The following ARRB1 variants were observed in gnomAD, a reference collection of about 807,000 sequenced individuals.
ARRB1 encodes the protein beta-arrestin-1.
ARRB1 carries 21 observed loss-of-function variants against 56.8 expected under a neutral mutation model. The ratio of observed to expected loss-of-function variants is 0.37; its 90% confidence interval spans 0.26 to 0.53. ARRB1 has a LOEUF of 0.53. Ranked by LOEUF, ARRB1 falls within the 20% of genes least tolerant of loss-of-function variation. The probability of loss-of-function intolerance (pLI) is 0.88; values close to 1 mark genes in which losing one functional copy is unlikely to be tolerated. For synonymous variants in ARRB1, 210 were observed against 218.6 expected (o/e 0.96, Z 0.35); for missense variants, 424 against 553.7 (o/e 0.77, Z 2.35).
At chr11:75,332,765 C>A (rs530508732) in intron 1 of ARRB1, among the ~76,000 whole-genome samples, 1 of 152,028 alleles carries the variant, frequency 6.6e-6, no homozygotes, top group African/African-American at 2.4e-5. Context: ...TGTGGTCAGG[C>A]GCACCTGTAG....
intron 1 of ARRB1, among the ~76,000 whole-genome samples, chr11:75,302,795 C>G (rs1032124024): frequency 6.6e-6 from 1 of 152,120 alleles, no homozygotes; most frequent in African/African-American, 2.4e-5. Context: ...TTGTCATCAT[C>G]ATTATCCTGG....
At chr11:75,299,886 C>G (rs1201082564) in intron 1 of ARRB1, among the ~76,000 whole-genome samples, 1 of 151,886 alleles carries the variant, frequency 6.6e-6, no homozygotes, top group African/African-American at 2.4e-5. Flanking sequence ...GAGAATTATT[C>G]AAGTATGAGG....
chr11:75,345,365 A>T (rs1324904205), intron 1 of ARRB1, among the ~76,000 whole-genome samples: 1 of 152,020 alleles, frequency 6.6e-6, no homozygotes, highest in African/African-American at 2.4e-5. Flanking sequence ...TCTCAAAAGC[A>T]GCCACCCTGT....
chr11:75,289,673 G>A (rs562064343), intron 2 of ARRB1, among the ~76,000 whole-genome samples: 19 of 152,290 alleles, frequency 1.2e-4, no homozygotes, highest in Non-Finnish European at 2.8e-4. Flanking sequence ...TCACAGCAGG[G>A]GACTCACTCC....
At chr11:75,284,006 C>T (rs1434231008) in intron 4 of ARRB1, among the ~76,000 whole-genome samples, 2 of 152,182 alleles carry the variant, frequency 1.3e-5, no homozygotes, top group Non-Finnish European at 2.9e-5. Flanking sequence ...CCAGCCTTGC[C>T]ACAGTCATGA....
intron 5 of ARRB1, 43 bp downstream of exon 5, chr11:75,283,244 G>T: frequency 6.4e-7 from 1 of 1,556,208 alleles, no homozygotes. Flanking sequence ...CTTCCTAGAG[G>T]TGGCATTTCT....
Position 75,284,241 on chromosome 11 carries a change from G to C in ARRB1, c.151C>G (p.Arg51Gly), listed in dbSNP as rs76716725. 1 of 1,609,032 alleles carries C rather than the reference G, an allele frequency of 6.2e-7. No individual in the cohort carries two copies. Among genetic ancestry groups the C allele is most frequent in the Non-Finnish European group, 8.5e-7 (1 of 1,176,642 alleles). ...GATGGGGGCCACAGCCTACCTCTCC[G>C]CTCTTTGAGATACTCAGGATCCACC... Reference protein sequence around the residue: ...VLVDPEYLKERRVYVTLTCAF... With the variant: ...VLVDPEYLKEGRVYVTLTCAF... Residue 51 changes from arginine (R) to glycine (G), a missense_variant, in exon 4 of 16, where the codon CGG becomes GGG. By Grantham distance (125) the Arg-to-Gly change is moderately radical. Around this residue, in one of 3 missense-constraint regions of ARRB1, gnomAD observed 301 missense variants for 387.9 expected, o/e 0.78. Coordinates refer to ENST00000420843, the MANE Select transcript of ARRB1 (RefSeq NM_004041.5).
rs548946534 is a variant in ARRB1, at chr11:75,283,179, C to T, written c.354+108G>A. The T allele has an allele frequency of 3.3e-5, 39 of 1,185,480 alleles. No individual in the cohort carries two copies. The South Asian group carries it at 5.5e-4, about 17-fold the overall frequency. 73.4% of individuals were successfully genotyped at this position (1,185,480 alleles called of 1,614,324 possible). On this transcript the variant is annotated intron_variant, in intron 5 of 15. Coordinates refer to ENST00000420843, the MANE Select transcript of ARRB1 (RefSeq NM_004041.5). ...CCAGGTCCCAGCATACACTGGGAAA[C>T]TGGGTGGCAGGGAGCAGCTGACCCT...
At chr11:75,271,213 G>C (rs893219461) in intron 13 of ARRB1, 3 of 153,004 alleles carry the variant, frequency 2.0e-5, no homozygotes, top group African/African-American at 7.2e-5. Flanking sequence ...GCCATCTTGT[G>C]ACAGAAGGAG....
At chr11:75,289,191 T>G (rs923014037) in intron 2 of ARRB1, among the ~76,000 whole-genome samples, 1 of 152,134 alleles carries the variant, frequency 6.6e-6, no homozygotes, top group African/African-American at 2.4e-5. Flanking sequence ...CAAGCCACAG[T>G]GTTCCCGTGA....
chr11:75,302,862 G>T (rs1236591187), intron 1 of ARRB1, among the ~76,000 whole-genome samples: 1 of 152,090 alleles, frequency 6.6e-6, no homozygotes, highest in Non-Finnish European at 1.5e-5. Flanking sequence ...GTGTCCCTCA[G>T]GTGAGAAAGC....
intron 3 of ARRB1, among the ~76,000 whole-genome samples, chr11:75,284,601 G>A (rs994481462): frequency 6.6e-6 from 1 of 152,136 alleles, no homozygotes; most frequent in Non-Finnish European, 1.5e-5. Flanking sequence ...TAGAAATTGC[G>A]AAGTATAGAG....
At position 75,294,963 on chromosome 11, in the gene ARRB1, C is replaced by T. The variant is rs552395855; in HGVS notation, c.21-4924G>A. ...AACAGGCCAGGTGTGGTGGCTCATG[C>T]CTGTAATCCCAGCACTTTGGGAGGC... On this transcript the variant is annotated intron_variant, in intron 1 of 15. Coordinates refer to ENST00000420843, the MANE Select transcript of ARRB1 (RefSeq NM_004041.5). Among the ~76,000 whole-genome samples the T allele has an allele frequency of 2.0e-5, 3 of 152,172 alleles. 1 individual carries two copies. Among genetic ancestry groups the T allele is most frequent in the Admixed American group, 1.3e-4 (2 of 15,274 alleles).
At chr11:75,320,038 C>A (rs1311241071) in intron 1 of ARRB1, among the ~76,000 whole-genome samples, 1 of 152,138 alleles carries the variant, frequency 6.6e-6, no homozygotes, top group East Asian at 1.9e-4. Flanking sequence ...AGGGATGAGA[C>A]CAAAGTCCCC....
chr11:75,269,120 G>A (rs937605663), intron 13 of ARRB1, 161 bp from the exon 14 acceptor site: 11 of 773,752 alleles, frequency 1.4e-5, no homozygotes, highest in African/African-American at 6.8e-5. Flanking sequence ...TCGGAGCCTC[G>A]GTCTGCCTGG....
At chr11:75,287,266 G>A in intron 3 of ARRB1, 49 bp downstream of exon 3, 1 of 1,530,576 alleles carries the variant, frequency 6.5e-7, no homozygotes, top group Non-Finnish European at 8.8e-7. Flanking sequence ...TGGGAGGCTT[G>A]GCCAGCCACA....
At chr11:75,349,087 G>C (rs1424818082) in intron 1 of ARRB1, among the ~76,000 whole-genome samples, 1 of 152,158 alleles carries the variant, frequency 6.6e-6, no homozygotes, top group East Asian at 1.9e-4. Context: ...CATGCCTTAC[G>C]GAAAAAGACA....
intron 3 of ARRB1, among the ~76,000 whole-genome samples, chr11:75,287,093 G>A (rs1946497410): frequency 6.6e-6 from 1 of 152,082 alleles, no homozygotes; most frequent in Admixed American, 6.5e-5. Flanking sequence ...CCATCATCAG[G>A]ACGCCTTCCC....
At chr11:75,331,303 G>C (rs1302941680) in intron 1 of ARRB1, among the ~76,000 whole-genome samples, 1 of 152,128 alleles carries the variant, frequency 6.6e-6, no homozygotes, top group East Asian at 1.9e-4. Flanking sequence ...GACCCACCAT[G>C]CCTGGCCATG....
Sources: gnomAD v4.1 joint callset for allele counts (sites outside exome capture counted in the v4.1 genomes callset) on GRCh38, gnomAD v4.1.1 for gene constraint, gnomAD v4.1.1 regional missense constraint, MANE v1.5 for transcripts, NCBI Gene and HGNC (gene_info 2026-07-23, HGNC 2026-07-21) for gene names.